The following EPB41L3 variants were observed in gnomAD, a reference collection of about 807,000 sequenced individuals.
The protein encoded by EPB41L3 is band 4.1-like protein 3.
In EPB41L3, 57 loss-of-function variants were observed where a neutral mutation model predicts 127.1. The ratio of observed to expected loss-of-function variants is 0.45; its 90% CI spans 0.36 to 0.56. The LOEUF (loss-of-function observed/expected upper bound fraction) is 0.56. Among genes scored for constraint, EPB41L3 ranks in the 20% least tolerant of loss-of-function variants. The pLI is 0.00. For synonymous variants in EPB41L3, 572 were observed against 549.5 expected, an observed-to-expected ratio of 1.04 and a Z score of -0.57; for missense variants, 1,273 against 1,372.2, an observed-to-expected ratio of 0.93 and a Z score of 1.14.
At chr18:5,491,438 C>A (rs911872604) in intron 1 of EPB41L3, among the ~76,000 whole-genome samples, 1 of 152,184 alleles carries the variant, frequency 6.6e-6, no homozygotes, top group Non-Finnish European at 1.5e-5. Context: ...GTCGGGAAAC[C>A]GTTTTGCACC....
At chr18:5,528,734 A>AT (rs1198415264) in intron 1 of EPB41L3, among the ~76,000 whole-genome samples, 2 of 152,014 alleles carry the variant, frequency 1.3e-5, no homozygotes, top group African/African-American at 4.8e-5. Flanking sequence ...AGTAGCTGGG[A>AT]TTACAGGTAC....
intron 11 of EPB41L3, among the ~76,000 whole-genome samples, chr18:5,420,387 T>A (rs1336802798): frequency 6.6e-6 from 1 of 152,166 alleles, no homozygotes; most frequent in Non-Finnish European, 1.5e-5. Flanking sequence ...GTTTTCATAT[T>A]ATTATTATTA....
intron 9 of EPB41L3, among the ~76,000 whole-genome samples, chr18:5,424,808 C>T (rs4797212): frequency 0.75 from 113,793 of 152,060 alleles, 42,942 homozygotes; most frequent in Non-Finnish European, 0.81. Flanking sequence ...TCTCCTAATA[C>T]CTGGGCAGGA....
chr18:5,428,225 C>A, intron 9 of EPB41L3, 88 bp downstream of exon 9: 1 of 1,508,564 alleles, frequency 6.6e-7, no homozygotes, highest in Non-Finnish European at 9.1e-7. Flanking sequence ...TCCCACAATG[C>A]TCAGAACTCA....
chr18:5,566,064 A>G (rs1236996027), intron 3 of EPB41L3, among the ~76,000 whole-genome samples: 1 of 152,206 alleles, frequency 6.6e-6, no homozygotes, highest in Non-Finnish European at 1.5e-5. Context: ...CAAGACAGGG[A>G]TGCCCTCTCT....
At chr18:5,495,204 C>T (rs1370726367) in intron 1 of EPB41L3, among the ~76,000 whole-genome samples, 1 of 152,150 alleles carries the variant, frequency 6.6e-6, no homozygotes, top group Non-Finnish European at 1.5e-5. Context: ...GCCAATACAC[C>T]AGCTCCTGTG....
chr18:5,546,178 G>T (rs1287252160), upstream of EPB41L3, among the ~76,000 whole-genome samples: 1 of 152,108 alleles, frequency 6.6e-6, no homozygotes, highest in Non-Finnish European at 1.5e-5. Context: ...CAGCAATAGT[G>T]TCTGAATGGC....
intron 3 of EPB41L3, among the ~76,000 whole-genome samples, chr18:5,580,851 C>T (rs1184760240): frequency 3.9e-5 from 6 of 152,208 alleles, no homozygotes; most frequent in Admixed American, 6.5e-5. Flanking sequence ...TAAATGTAAA[C>T]CCCTTGCAGA....
In EPB41L3 at chr18:5,433,971, C is replaced by A. The variant is rs1162401550; in HGVS notation, c.756G>T (p.Glu252Asp). The A allele has an allele frequency of 2.5e-6, 4 of 1,614,046 alleles. No individual in the cohort carries two copies. The highest frequency in any genetic ancestry group is 3.4e-6 in the Non-Finnish European group (4 of 1,180,048). The stretch of plus-strand genomic sequence containing the variant: ...TAGTGTGGTTTGGTGCAAAGCGGAA[C>A]TCACTAATGTAATCGCTCCCACATT... ...PDECGSDYIS[E>D]FRFAPNHTKE... is the part of the protein sequence containing the mutation. The change falls in exon 7 of 23, where the codon GAG becomes GAT. Residue 252 changes from glutamate to aspartate, a missense_variant. Physicochemically the swap from Glu to Asp is conservative, Grantham distance 45. This residue lies in a region of EPB41L3 where 326 missense variants were observed against 440.2 expected (regional missense o/e 0.74). Transcript: ENST00000341928.
chr18:5,549,060 A>T (rs1158980555), upstream of EPB41L3, among the ~76,000 whole-genome samples: 2 of 152,246 alleles, frequency 1.3e-5, no homozygotes, highest in African/African-American at 4.8e-5. Context: ...AATAATAGAT[A>T]GTAAGACACA....
intron 1 of EPB41L3, among the ~76,000 whole-genome samples, chr18:5,516,333 T>C (rs1342461960): frequency 6.6e-6 from 1 of 152,218 alleles, no homozygotes; most frequent in African/African-American, 2.4e-5. Flanking sequence ...ATAGGGATTC[T>C]TGTTCTCCTT....
At chr18:5,517,572 A>G (rs1268027659) in intron 1 of EPB41L3, among the ~76,000 whole-genome samples, 1 of 152,046 alleles carries the variant, frequency 6.6e-6, no homozygotes, top group African/African-American at 2.4e-5. Context: ...AGTAGCTGGG[A>G]CTACAGGCAT....
At chr18:5,424,070 A>C (rs913407354) in intron 10 of EPB41L3, among the ~76,000 whole-genome samples, 192 bp downstream of exon 10, 2 of 152,230 alleles carry the variant, frequency 1.3e-5, no homozygotes, top group African/African-American at 4.8e-5. Context: ...ATGTAAGTAC[A>C]TGACAAATTA....
At chr18:5,430,699 A>T (rs575419515) in intron 8 of EPB41L3, among the ~76,000 whole-genome samples, 1 of 151,186 alleles carries the variant, frequency 6.6e-6, no homozygotes, top group African/African-American at 2.4e-5. Context: ...GAGTAGCTGG[A>T]ACCACAGGCA....
intron 3 of EPB41L3, among the ~76,000 whole-genome samples, chr18:5,593,935 C>G (rs191995823): frequency 6.6e-6 from 1 of 152,350 alleles, no homozygotes; most frequent in East Asian, 1.9e-4. Flanking sequence ...CTGAATATTG[C>G]TGTTATCCTG....
chr18:5,578,960 T>C (rs139778977), intron 3 of EPB41L3, among the ~76,000 whole-genome samples: 4 of 152,288 alleles, frequency 2.6e-5, no homozygotes, highest in Non-Finnish European at 4.4e-5. Context: ...CCTTCAACAG[T>C]GCTGAAACAG....
intron 1 of EPB41L3, among the ~76,000 whole-genome samples, chr18:5,620,036 T>C (rs2094842468): frequency 6.6e-6 from 1 of 152,168 alleles, no homozygotes; most frequent in African/African-American, 2.4e-5. Flanking sequence ...GCAAAACCTG[T>C]GTAAAGTGAT....
At chr18:5,484,097 A>AAAAAAAAAAAAAAAAAAAAAC (rs2089200570) in intron 2 of EPB41L3, among the ~76,000 whole-genome samples, 1 of 134,130 alleles carries the variant, frequency 7.5e-6, no homozygotes, top group Non-Finnish European at 1.6e-5. Context: ...AAAAAAAAAA[A>AAAAAAAAAAAAAAAAAAAAAC]AAAAAAAAAA....
At chr18:5,452,363 C>T (rs189415939) in intron 3 of EPB41L3, among the ~76,000 whole-genome samples, 5 of 149,492 alleles carry the variant, frequency 3.3e-5, no homozygotes, top group Non-Finnish European at 5.9e-5. Context: ...TACACAGACA[C>T]AAGTGCCTAA....
Sources: gnomAD v4.1 joint callset for allele counts (sites outside exome capture counted in the v4.1 genomes callset) on GRCh38, gnomAD v4.1.1 for gene constraint, gnomAD v4.1.1 regional missense constraint, MANE v1.5 for transcripts, NCBI Gene and HGNC (gene_info 2026-07-23, HGNC 2026-07-21) for gene names.